The following CADPS variants were observed in gnomAD, a reference collection of about 807,000 sequenced individuals.
The protein encoded by CADPS is calcium dependent secretion activator, also known as calcium-dependent secretion activator 1.
Under a neutral mutation model 167.3 loss-of-function variants are expected in CADPS, and 57 were observed. The ratio of observed to expected loss-of-function variants is 0.34; its 90% confidence interval spans 0.28 to 0.42. The LOEUF (loss-of-function observed/expected upper bound fraction) is 0.42. CADPS is among the 20% of genes least tolerant of loss of function. CADPS has a pLI of 1.00. For synonymous variants in CADPS, 676 were observed against 635.3 expected (o/e 1.06, Z -0.96); for missense variants, 1,414 against 1,738.1 (o/e 0.81, Z 3.32).
At chr3:62,678,740 G>A (rs898774077) in intron 3 of CADPS, among the ~76,000 whole-genome samples, 2 of 152,066 alleles carry the variant, frequency 1.3e-5, no homozygotes, top group Non-Finnish European at 2.9e-5. Context: ...GAGAAACCAT[G>A]TTGACCTAAG....
intron 10 of CADPS, among the ~76,000 whole-genome samples, chr3:62,552,828 T>C (rs1023178739): frequency 5.9e-5 from 9 of 152,186 alleles, no homozygotes; most frequent in South Asian, 4.1e-4. Flanking sequence ...CTAAAAGATT[T>C]TTGGTGGTTT....
At chr3:62,512,291 T>C (rs1200887860) in intron 17 of CADPS, among the ~76,000 whole-genome samples, 1 of 152,152 alleles carries the variant, frequency 6.6e-6, no homozygotes, top group African/African-American at 2.4e-5. Context: ...TGCTTCCTGC[T>C]TTATCATGCG....
Position 62,602,664 on chromosome 3 carries a change from A to G in CADPS, c.1326-9916T>C, listed in dbSNP as rs377072790. ...AGAAAAGCTAAGCTACCTCTCATCT[A>G]CATAAGTGAGGCGTTTGCTTTGTAG... On this transcript the variant is annotated intron_variant, in intron 6 of 29. Coordinates refer to ENST00000383710, the MANE Select transcript of CADPS (RefSeq NM_003716.4). This position sits in a 1 kb window ranked among gnomAD's most constrained non-coding sequence, Gnocchi z 4.4. 2.6e-5 allele frequency among the ~76,000 whole-genome samples: 4 copies of G among 152,282 alleles called. No individual in the cohort carries two copies. The highest frequency in any genetic ancestry group is 3.9e-4 in the East Asian group (2 of 5,168).
intron 1 of CADPS, among the ~76,000 whole-genome samples, chr3:62,789,210 T>A (rs1576429260): frequency 6.6e-6 from 1 of 152,116 alleles, no homozygotes; most frequent in East Asian, 1.9e-4. Flanking sequence ...TGCCAAGAGC[T>A]TTATATGTAC....
At chr3:62,472,961 C>G (rs1437879072) in intron 24 of CADPS, among the ~76,000 whole-genome samples, 1 of 152,208 alleles carries the variant, frequency 6.6e-6, no homozygotes, top group African/African-American at 2.4e-5. Context: ...CGCCACGGAA[C>G]TTGTCAGAAA....
intron 6 of CADPS, among the ~76,000 whole-genome samples, chr3:62,603,381 C>G (rs2060239892): frequency 6.6e-6 from 1 of 152,216 alleles, no homozygotes; most frequent in South Asian, 2.1e-4. Flanking sequence ...AGGACAGAGA[C>G]CAAGTCCATC....
chr3:62,762,060 G>C (rs2085595144), intron 2 of CADPS, among the ~76,000 whole-genome samples: 1 of 152,150 alleles, frequency 6.6e-6, no homozygotes, highest in Non-Finnish European at 1.5e-5. Flanking sequence ...TGTTAATGGT[G>C]ACTAGCTTGG....
intron 4 of CADPS, 120 bp downstream of exon 4, chr3:62,662,194 T>C (rs767185987): frequency 6.7e-5 from 57 of 853,782 alleles, no homozygotes; most frequent in Non-Finnish European, 1.1e-4. Context: ...AGGGTGATTG[T>C]CCTCATCTTC....
intron 8 of CADPS, among the ~76,000 whole-genome samples, chr3:62,576,436 C>T (rs1208758174): frequency 6.6e-6 from 1 of 151,922 alleles, no homozygotes; most frequent in Non-Finnish European, 1.5e-5. Flanking sequence ...CGCTCACTGG[C>T]ACGTGGTAAG....
chr3:62,819,520 C>T (rs564728423), intron 1 of CADPS, among the ~76,000 whole-genome samples: 507 of 151,930 alleles, frequency 3.3e-3, no homozygotes, highest in Non-Finnish European at 4.9e-3. Flanking sequence ...CATGGCCCCC[C>T]CTTCATCCGC....
rs1577217558 is a variant in CADPS, at chr3:62,525,621, T to C, written c.2291+7250A>G. On this transcript the variant is annotated intron_variant, in intron 13 of 29. Coordinates refer to ENST00000383710, the MANE Select transcript of CADPS (RefSeq NM_003716.4). ...AAACAGAGCTATCCCCACTACACAG[T>C]TTTTGCCCTTTATCTTTGTGGGAAA... 6.6e-5 allele frequency among the ~76,000 whole-genome samples: 10 copies of C among 151,938 alleles called. 1 individual carries two copies. In the South Asian group the frequency reaches 2.1e-3, roughly 32 times the overall value.
chr3:62,551,453 A>G (rs1577633975), intron 10 of CADPS, among the ~76,000 whole-genome samples: 2 of 152,312 alleles, frequency 1.3e-5, no homozygotes, highest in South Asian at 2.1e-4. Context: ...ATAGCCTCCT[A>G]TCTGACCTGT....
Position 62,429,585 on chromosome 3 carries a change from C to T in CADPS, c.3777+8519G>A, listed in dbSNP as rs569646150. On this transcript the variant is annotated intron_variant, in intron 28 of 29. Coordinates refer to ENST00000383710, the MANE Select transcript of CADPS (RefSeq NM_003716.4). ...ATGCAATGTGATAATATTTCTTCCA[C>T]AAAATGTGCTTTGGCTACTCTGTGT... is the stretch of plus-strand genomic sequence containing the variant. 6.6e-4 allele frequency among the ~76,000 whole-genome samples: 100 copies of T among 152,034 alleles called. 2 individuals are homozygous for T. In the South Asian group the frequency reaches 0.02, roughly 30 times the overall value.
intron 6 of CADPS, among the ~76,000 whole-genome samples, chr3:62,638,178 G>A (rs1373032623): frequency 2.0e-5 from 3 of 151,540 alleles, no homozygotes. Context: ...TCACACAGCG[G>A]AAATAGGAAC....
At chr3:62,576,788 TAAAAAAAAAAA>T (rs138055445) in intron 8 of CADPS, among the ~76,000 whole-genome samples, 7 of 29,870 alleles carry the variant, frequency 2.3e-4, no homozygotes, top group Admixed American at 1.1e-3. Context: ...AGACTCTGTC[TAAAAAAAAAAA>T]AAAAAAAAAA....
intron 3 of CADPS, among the ~76,000 whole-genome samples, chr3:62,747,215 C>G (rs1221629874): frequency 6.6e-6 from 1 of 152,162 alleles, no homozygotes; most frequent in African/African-American, 2.4e-5. Context: ...CTTCCCATCT[C>G]CAGATTTTAA....
At chr3:62,559,028 G>A (rs570752237) in intron 9 of CADPS, among the ~76,000 whole-genome samples, 14 of 152,216 alleles carry the variant, frequency 9.2e-5, no homozygotes, top group Non-Finnish European at 1.8e-4. Flanking sequence ...AAGCCTCAGA[G>A]TCTTCATCTG....
At chr3:62,569,512 T>G (rs1261343349) in intron 9 of CADPS, among the ~76,000 whole-genome samples, 1 of 152,238 alleles carries the variant, frequency 6.6e-6, no homozygotes, top group African/African-American at 2.4e-5. Flanking sequence ...GATGACCTCT[T>G]GCTTATTAGA....
chr3:62,744,128 C>A (rs921444340), intron 3 of CADPS, among the ~76,000 whole-genome samples: 1 of 152,048 alleles, frequency 6.6e-6, no homozygotes, highest in African/African-American at 2.4e-5. Flanking sequence ...GTACAAATGT[C>A]TGCTTTAAAG....
Sources: gnomAD v4.1 joint callset for allele counts (sites outside exome capture counted in the v4.1 genomes callset) on GRCh38, gnomAD v4.1.1 for gene constraint, Gnocchi (gnomAD v3.1) non-coding constraint, MANE v1.5 for transcripts, NCBI Gene and HGNC (gene_info 2026-07-23, HGNC 2026-07-21) for gene names.